Variants in TRPC4 observed in about 807,000 individuals in gnomAD.
TRPC4 encodes the protein transient receptor potential cation channel subfamily C member 4.
Under a neutral mutation model 99.4 loss-of-function variants are expected in TRPC4, and 49 were observed. That is an observed-to-expected ratio of 0.49 (90% confidence interval 0.39 to 0.63). The LOEUF (loss-of-function observed/expected upper bound fraction) is 0.63, where lower values mean the gene tolerates loss of function less well. Ranked by LOEUF, TRPC4 falls within the 20% of genes least tolerant of loss-of-function variation. The probability of loss-of-function intolerance (pLI) is 0.00; values close to 1 mark genes in which losing one functional copy is unlikely to be tolerated. For synonymous variants in TRPC4, 454 were observed against 425.9 expected, an observed-to-expected ratio of 1.07 and a Z score of -0.81; for missense variants, 898 against 1,152.9, an observed-to-expected ratio of 0.78 and a Z score of 3.20.
At chr13:37,839,140 C>A (rs79922619) in intron 1 of TRPC4, among the ~76,000 whole-genome samples, 3,621 of 152,272 alleles carry the variant, frequency 0.024, 76 homozygotes, top group African/African-American at 0.054. Flanking sequence ...ACTGCTAGGG[C>A]AGTACCAAGA....
At chr13:37,749,693 C>T (rs1015653246) in intron 2 of TRPC4, among the ~76,000 whole-genome samples, 1 of 152,128 alleles carries the variant, frequency 6.6e-6, no homozygotes, top group African/African-American at 2.4e-5. Flanking sequence ...ATTCTCTCAT[C>T]ACTTCTACAT....
intron 3 of TRPC4, among the ~76,000 whole-genome samples, chr13:37,734,328 T>C (rs1305865075): frequency 1.3e-5 from 2 of 152,254 alleles, no homozygotes; most frequent in East Asian, 3.9e-4. Flanking sequence ...AATTCCAGGT[T>C]TTAGGAAACT....
chr13:37,712,348 T>A (rs1954514317), intron 3 of TRPC4, among the ~76,000 whole-genome samples: 1 of 152,152 alleles, frequency 6.6e-6, no homozygotes, highest in South Asian at 2.1e-4. Context: ...TAAAAGAAGA[T>A]TCAATAACGG....
intron 1 of TRPC4, among the ~76,000 whole-genome samples, chr13:37,868,816 C>A (rs921705299): frequency 1.3e-5 from 2 of 152,228 alleles, no homozygotes; most frequent in Non-Finnish European, 2.9e-5. Context: ...TGAATGCAGG[C>A]AGACAAGATA....
chr13:37,755,963 G>GCAACA (rs1274698915), intron 2 of TRPC4, among the ~76,000 whole-genome samples: 1 of 151,840 alleles, frequency 6.6e-6, no homozygotes, highest in African/African-American at 2.4e-5. Context: ...ATAGTCAAAA[G>GCAACA]CAACACTTAA....
At chr13:37,667,134 T>C (rs1952670670) in intron 5 of TRPC4, among the ~76,000 whole-genome samples, 1 of 152,206 alleles carries the variant, frequency 6.6e-6, no homozygotes, top group African/African-American at 2.4e-5. Flanking sequence ...TAGAATCTTT[T>C]TGTCTAAAAT....
chr13:37,713,413 T>C (rs904552826), intron 3 of TRPC4, among the ~76,000 whole-genome samples: 1 of 152,210 alleles, frequency 6.6e-6, no homozygotes, highest in Non-Finnish European at 1.5e-5. Context: ...AGCTAAACTT[T>C]CAGTTATAAA....
chr13:37,857,092 A>T (rs951536563), intron 1 of TRPC4, among the ~76,000 whole-genome samples: 1 of 151,730 alleles, frequency 6.6e-6, no homozygotes, highest in African/African-American at 2.4e-5. Context: ...CAAGATACAA[A>T]ATTAATGTAC....
intron 4 of TRPC4, among the ~76,000 whole-genome samples, chr13:37,687,764 C>G (rs1219164499): frequency 6.6e-6 from 1 of 152,192 alleles, no homozygotes; most frequent in Non-Finnish European, 1.5e-5. Flanking sequence ...CGAGCTCTTT[C>G]TAATCCATCA....
intron 1 of TRPC4, among the ~76,000 whole-genome samples, chr13:37,811,961 A>C (rs1378236796): frequency 5.3e-5 from 8 of 151,880 alleles, no homozygotes; most frequent in African/African-American, 1.9e-4. Flanking sequence ...TGAGGAGGTC[A>C]AGACCAGCCA....
At chr13:37,686,167 T>A (rs1362137201) in intron 4 of TRPC4, among the ~76,000 whole-genome samples, 5 of 151,896 alleles carry the variant, frequency 3.3e-5, no homozygotes, top group Admixed American at 6.6e-5. Flanking sequence ...CTTGAGGGGA[T>A]GGGAAATTCA....
intron 1 of TRPC4, among the ~76,000 whole-genome samples, chr13:37,831,044 A>G (rs949278822): frequency 1.3e-5 from 2 of 150,462 alleles, no homozygotes; most frequent in African/African-American, 5.0e-5. Flanking sequence ...TTTTCTCCCA[A>G]TTTTGCCTTG....
chr13:37,835,761 G>C (rs1183073239), intron 1 of TRPC4, among the ~76,000 whole-genome samples: 1 of 152,196 alleles, frequency 6.6e-6, no homozygotes, highest in African/African-American at 2.4e-5. Context: ...CATGACATTA[G>C]TATGTACAGC....
At chr13:37,787,049 A>C (rs541009911) in intron 1 of TRPC4, among the ~76,000 whole-genome samples, 12 of 152,162 alleles carry the variant, frequency 7.9e-5, no homozygotes, top group African/African-American at 2.6e-4. Context: ...TTAGATATTT[A>C]TATGTATCTG....
chr13:37,739,885 A>G (rs763132098), intron 3 of TRPC4, among the ~76,000 whole-genome samples: 3 of 152,130 alleles, frequency 2.0e-5, no homozygotes, highest in Non-Finnish European at 2.9e-5. Flanking sequence ...CCGGTATGTC[A>G]TTTACAGGCA....
chr13:37,855,270 T>A (rs1959157766), intron 1 of TRPC4, among the ~76,000 whole-genome samples: 2 of 145,384 alleles, frequency 1.4e-5, no homozygotes, highest in Non-Finnish European at 3.0e-5. Context: ...ATCAAAGGAG[T>A]CAATCCAGCA....
At chr13:37,754,703 G>A (rs1168165378) in intron 2 of TRPC4, among the ~76,000 whole-genome samples, 2 of 151,964 alleles carry the variant, frequency 1.3e-5, no homozygotes, top group East Asian at 1.9e-4. Context: ...CTAACCATAA[G>A]GTTGCTTTGG....
chr13:37,698,702 CT>C (rs1320548664), intron 3 of TRPC4, among the ~76,000 whole-genome samples: 3 of 152,112 alleles, frequency 2.0e-5, no homozygotes, highest in Admixed American at 6.5e-5. Flanking sequence ...CAACAATAAT[CT>C]CCACCAAATC....
At chr13:37,653,211 T>C (rs1377281548) in intron 7 of TRPC4, among the ~76,000 whole-genome samples, 1 of 152,174 alleles carries the variant, frequency 6.6e-6, no homozygotes, top group Non-Finnish European at 1.5e-5. Flanking sequence ...TAATTCTTTG[T>C]ATCCCGAAAA....
Sources: gnomAD v4.1 joint callset for allele counts (sites outside exome capture counted in the v4.1 genomes callset) on GRCh38, gnomAD v4.1.1 for gene constraint, MANE v1.5 for transcripts, NCBI Gene and HGNC (gene_info 2026-07-23, HGNC 2026-07-21) for gene names.